Variants in SMYD3 observed in about 807,000 individuals in gnomAD.
SMYD3 encodes the protein histone-lysine N-methyltransferase SMYD3.
SMYD3 carries 36 observed loss-of-function variants against 57.7 expected under a neutral mutation model. The observed-to-expected ratio is 0.62, with a 90% confidence interval of 0.48 to 0.82. The LOEUF is 0.82. Ranked by LOEUF, SMYD3 falls within the 40% of genes least tolerant of loss-of-function variation. The pLI, the probability that SMYD3 is intolerant of heterozygous loss-of-function variation, is 0.00. For missense variants in SMYD3, 515 were observed against 538.8 expected (o/e 0.96, Z 0.44); for synonymous variants, 211 against 195.0 (o/e 1.08, Z -0.68).
chr1:246,192,493 C>T (rs12407828), intron 5 of SMYD3, among the ~76,000 whole-genome samples: 97,075 of 151,960 alleles, frequency 0.64, 32,448 homozygotes, highest in Admixed American at 0.74. Context: ...TGGGCCGAAG[C>T]GATCCTCCTA....
At chr1:246,381,015 A>T (rs927384933) in intron 1 of SMYD3, among the ~76,000 whole-genome samples, 1 of 152,236 alleles carries the variant, frequency 6.6e-6, no homozygotes, top group African/African-American at 2.4e-5. Flanking sequence ...GTGAGCCATG[A>T]ATGTTAAGGA....
chr1:246,178,689 C>G (rs6672354), intron 5 of SMYD3: 1 of 152,104 alleles, frequency 6.6e-6, no homozygotes, highest in African/African-American at 2.4e-5. Flanking sequence ...CCAAAGTGAG[C>G]GAGTTTCAAT....
At chr1:246,125,079 A>ACACACACACACACACACACAC (rs1206513856) in intron 5 of SMYD3, among the ~76,000 whole-genome samples, 4 of 108,288 alleles carry the variant, frequency 3.7e-5, no homozygotes, top group East Asian at 2.0e-4. Flanking sequence ...CTCAAAAAAA[A>ACACACACACACACACACACAC]AAAAAAAAAC....
At chr1:246,416,067 T>C (rs1266541108) in intron 1 of SMYD3, among the ~76,000 whole-genome samples, 2 of 152,256 alleles carry the variant, frequency 1.3e-5, no homozygotes, top group Non-Finnish European at 2.9e-5. Flanking sequence ...TCTCCTATGT[T>C]GCATACAGTA....
At chr1:246,090,792 C>T (rs778432795) in intron 5 of SMYD3, among the ~76,000 whole-genome samples, 3 of 152,142 alleles carry the variant, frequency 2.0e-5, no homozygotes, top group Non-Finnish European at 2.9e-5. Context: ...GCTGGGATTA[C>T]AGGCATGAGC....
chr1:246,258,534 G>A (rs926954337), intron 5 of SMYD3, among the ~76,000 whole-genome samples: 1 of 152,124 alleles, frequency 6.6e-6, no homozygotes, highest in Non-Finnish European at 1.5e-5. Flanking sequence ...TAAAAATGCT[G>A]AAAATAGCCC....
chr1:246,298,742 A>G lies in SMYD3; in HGVS notation c.531+28459T>C, dbSNP rs191970230. Among the ~76,000 whole-genome samples the G allele has an allele frequency of 3.7e-3, 556 of 152,146 alleles. 2 individuals are homozygous for G. The highest frequency in any genetic ancestry group is 0.014 in the Middle Eastern group (4 of 294). ...ATAAAGAAGGAACAGCTCTACTTTTAAAAGCCAGAGAAAATGTCTAGGTCT... is the reference window on the plus strand; with the variant it reads ...ATAAAGAAGGAACAGCTCTACTTTTGAAAGCCAGAGAAAATGTCTAGGTCT... On this transcript the variant is annotated intron_variant, in intron 5 of 11. Transcript: ENST00000490107.
intron 1 of SMYD3, among the ~76,000 whole-genome samples, chr1:246,432,708 C>T (rs748300874): frequency 1.3e-5 from 2 of 152,200 alleles, no homozygotes; most frequent in Non-Finnish European, 2.9e-5. Flanking sequence ...AAAGCATATT[C>T]CTACTCTAAA....
chr1:246,061,988 T>A (rs887253895), intron 5 of SMYD3, among the ~76,000 whole-genome samples: 1 of 151,748 alleles, frequency 6.6e-6, no homozygotes, highest in South Asian at 2.1e-4. Context: ...GGGAAGTGAA[T>A]TGATTTTTCA....
intron 10 of SMYD3, among the ~76,000 whole-genome samples, chr1:245,843,957 T>C (rs2050534138): frequency 6.6e-6 from 1 of 152,216 alleles, no homozygotes; most frequent in Non-Finnish European, 1.5e-5. Flanking sequence ...AACTAGTTGT[T>C]ATGTAAACAC....
At chr1:245,929,746 TAA>T in intron 6 of SMYD3, 122 bp downstream of exon 6, 1 of 739,538 alleles carries the variant, frequency 1.4e-6, no homozygotes, top group South Asian at 1.6e-5. Flanking sequence ...AATTTATTGC[TAA>T]GTTTTAAGCT....
chr1:246,133,955 G>T (rs1315682549), intron 5 of SMYD3, among the ~76,000 whole-genome samples: 1 of 152,108 alleles, frequency 6.6e-6, no homozygotes, highest in African/African-American at 2.4e-5. Flanking sequence ...CACTTCAAAA[G>T]AAATGTATTC....
chr1:245,907,526 A>G (rs2054655295), intron 8 of SMYD3, among the ~76,000 whole-genome samples: 2 of 152,200 alleles, frequency 1.3e-5, no homozygotes, highest in Non-Finnish European at 2.9e-5. Context: ...AAAACACACC[A>G]AAGTAGAGAA....
intron 10 of SMYD3, among the ~76,000 whole-genome samples, chr1:245,797,422 A>C (rs1245214853): frequency 1.4e-5 from 2 of 139,166 alleles, no homozygotes; most frequent in African/African-American, 3.1e-5. Flanking sequence ...AAACTATCAC[A>C]AGGACAAAAA....
At chr1:245,947,676 T>C (rs2057469687) in intron 5 of SMYD3, among the ~76,000 whole-genome samples, 1 of 152,160 alleles carries the variant, frequency 6.6e-6, no homozygotes, top group Non-Finnish European at 1.5e-5. Flanking sequence ...ACTCAGGGCA[T>C]ATAGGAAGCT....
intron 5 of SMYD3, among the ~76,000 whole-genome samples, chr1:246,225,728 T>A (rs2148434756): frequency 6.6e-6 from 1 of 152,306 alleles, no homozygotes; most frequent in South Asian, 2.1e-4. Context: ...TACATACATC[T>A]CAGACCTAGT....
At chr1:246,405,189 T>C (rs925780395) in intron 1 of SMYD3, among the ~76,000 whole-genome samples, 2 of 152,098 alleles carry the variant, frequency 1.3e-5, no homozygotes, top group East Asian at 1.9e-4. Flanking sequence ...TGGACTCAAG[T>C]GATCTGCTCA....
intron 1 of SMYD3, among the ~76,000 whole-genome samples, chr1:246,357,222 C>T (rs1173470713): frequency 2.6e-5 from 4 of 152,218 alleles, no homozygotes; most frequent in African/African-American, 7.2e-5. Flanking sequence ...GACTGGAAGT[C>T]GGCACACAAT....
At chr1:246,468,160 T>TTA (rs368787258) in intron 1 of SMYD3, among the ~76,000 whole-genome samples, 2 of 130,448 alleles carry the variant, frequency 1.5e-5, no homozygotes, top group Non-Finnish European at 3.2e-5. Context: ...GACTCTGTCT[T>TTA]AAAAAAAAAA....
Sources: allele counts gnomAD v4.1 joint callset (sites outside exome capture counted in the v4.1 genomes callset), GRCh38; gene constraint gnomAD v4.1.1; transcripts MANE v1.5; gene names NCBI Gene and HGNC (gene_info 2026-07-23, HGNC 2026-07-21).